The following RNMT variants were observed in gnomAD, a reference collection of about 807,000 sequenced individuals.
RNMT encodes the protein RNA guanine-7 methyltransferase.
A neutral mutation model predicts 56.0 loss-of-function variants in RNMT; 27 were observed. That is an observed-to-expected ratio of 0.48 (90% CI 0.36 to 0.67). The LOEUF (loss-of-function observed/expected upper bound fraction) is 0.67, where lower values mean the gene tolerates loss of function less well. Ranked by LOEUF, RNMT falls within the 30% of genes least tolerant of loss-of-function variation. RNMT has a pLI of 0.00. For missense variants in RNMT, 519 were observed against 552.1 expected (o/e 0.94, Z 0.60); for synonymous variants, 184 against 176.2 (o/e 1.04, Z -0.35).
At chr18:13,743,797 G>A (rs1474060068) in intron 8 of RNMT, among the ~76,000 whole-genome samples, 3 of 151,602 alleles carry the variant, frequency 2.0e-5, no homozygotes, top group Non-Finnish European at 4.4e-5. Context: ...CAGTCAGTCT[G>A]TAAAATTAGG....
Position 13,741,510 on chromosome 18 carries a change from G to T in RNMT, c.793G>T (p.Glu265Ter). The change falls in exon 7 of 12, where the codon GAA becomes TAA. Residue 265 changes from glutamate to a stop codon, truncating the protein, a stop_gained and splice_region_variant. Transcript: ENST00000383314. LOFTEE classifies it high-confidence loss of function. ...AEFITADSSKELLIDKFRDPQ... is the reference protein window; with the variant it reads ...AEFITADSSK Reference sequence around the variant, plus strand: ...CTTAACTCATTTTAATTTGTTTCAGGAACTTCTGATTGACAAATTTCGTGA... The same window carrying T: ...CTTAACTCATTTTAATTTGTTTCAGTAACTTCTGATTGACAAATTTCGTGA... The T allele has an allele frequency of 6.2e-7, 1 of 1,607,610 alleles. No individual in the cohort carries two copies. The highest frequency in any genetic ancestry group is 8.5e-7 in the Non-Finnish European group (1 of 1,176,770).
At chr18:13,728,976 G>T (rs900959145) in intron 1 of RNMT, among the ~76,000 whole-genome samples, 1 of 152,058 alleles carries the variant, frequency 6.6e-6, no homozygotes, top group Admixed American at 6.5e-5. Flanking sequence ...TTTTTAGCTT[G>T]ATGTAATCCC....
intron 8 of RNMT, among the ~76,000 whole-genome samples, chr18:13,745,083 C>T (rs562967031): frequency 6.6e-6 from 1 of 152,088 alleles, no homozygotes; most frequent in African/African-American, 2.4e-5. Context: ...AGTGGGAAAG[C>T]TAGGCTAGTC....
chr18:13,730,454 A>C (rs1337248640), intron 1 of RNMT, 173 bp from the exon 2 acceptor site: 1 of 152,236 alleles, frequency 6.6e-6, no homozygotes, highest in Non-Finnish European at 1.5e-5. Flanking sequence ...CTTAGTGTCC[A>C]TAGGCCAAAA....
At chr18:13,751,850 A>C (rs188166895) in intron 9 of RNMT, among the ~76,000 whole-genome samples, 58 of 152,214 alleles carry the variant, frequency 3.8e-4, no homozygotes, top group African/African-American at 1.4e-3. Context: ...CCATCATTCT[A>C]AGCAAACTAA....
At chr18:13,759,331 A>G (rs1019579760) in intron 11 of RNMT, among the ~76,000 whole-genome samples, 5 of 152,200 alleles carry the variant, frequency 3.3e-5, no homozygotes, top group South Asian at 4.1e-4. Flanking sequence ...TCCTAAATTC[A>G]TTTAGCTGTC....
rs1801762 is a variant in RNMT at position 13,731,794 on chromosome 18, A to G, written c.277A>G (p.Lys93Glu). 4 of 1,613,588 alleles carry G rather than the reference A, an allele frequency of 2.5e-6. No individual in the cohort carries two copies. Among genetic ancestry groups the G allele is most frequent in the Non-Finnish European group, 3.4e-6 (4 of 1,179,950 alleles). ...TGATCCTGAAATTGTCCCAGAGGAA[A>G]AAGATTGTGGTGATGCTGAAGGCAA... is the stretch of plus-strand genomic sequence containing the variant. ...KLDPEIVPEE[K>E]DCGDAEGNSK... Residue 93 changes from lysine (K) to glutamate (E), a missense_variant, in exon 3 of 12, where the codon AAA (lysine) becomes GAA (glutamate). Physicochemically the swap from Lys to Glu is moderately conservative, Grantham distance 56. Coordinates refer to ENST00000383314, the MANE Select transcript of RNMT (RefSeq NM_003799.3).
At position 13,762,356 on chromosome 18, in the gene RNMT, A is replaced by G; in HGVS notation, c.*2377A>G. On this transcript the variant is annotated 3_prime_UTR_variant, in exon 12 of 12. Transcript: ENST00000383314. ...GGAGAGGAGCTGGCAGTTTTTAACC[A>G]CTTCTGTGGGAGCCGTGTTCTAACC... The G allele has an allele frequency of 1.7e-6, 1 of 602,278 alleles. No homozygotes were observed. The highest frequency in any genetic ancestry group is 2.8e-6 in the Non-Finnish European group (1 of 351,732). The allele number at this position is 602,278 out of a possible 1,614,324, so 37.3% of individuals were successfully genotyped here. A position where few individuals can be genotyped will look rare whatever the true frequency, so the allele number is the denominator to read the frequency against.
rs1056963667 is a variant in RNMT at position 13,762,095 on chromosome 18, G to C, written c.*2116G>C. Reference sequence around the variant, plus strand: ...GCTTTCCACCGTCGGGCCAGGAAGAGCACCTGTTGCTGCAAGCTCAGTGAA... The same window carrying C: ...GCTTTCCACCGTCGGGCCAGGAAGACCACCTGTTGCTGCAAGCTCAGTGAA... On this transcript the variant is annotated 3_prime_UTR_variant, in exon 12 of 12. Coordinates refer to ENST00000383314, the MANE Select transcript of RNMT (RefSeq NM_003799.3). 60 of 1,535,982 alleles carry C rather than the reference G, an allele frequency of 3.9e-5. No homozygotes were observed. In the Middle Eastern group the frequency reaches 5.0e-4, roughly 13 times the overall value.
rs1159645400 is a variant in RNMT at position 13,760,774 on chromosome 18, A to G, written c.*795A>G. On this transcript the variant is annotated 3_prime_UTR_variant, in exon 12 of 12. Transcript: ENST00000383314. The stretch of plus-strand genomic sequence containing the variant: ...TCCCTCCCATGTAGACATGTTGCAC[A>G]TTTTTTCCAAATTTATACATGGAAC... The G allele has an allele frequency of 2.0e-6, 2 of 985,262 alleles. No homozygotes were observed. Among genetic ancestry groups the G allele is most frequent in the Admixed American group, 6.2e-5 (1 of 16,260 alleles). The allele number at this position is 985,262 out of a possible 1,614,324, so 61.0% of individuals were successfully genotyped here.
chr18:13,761,869 CT>C lies in RNMT; in HGVS notation c.*1891del. 3.3e-6 allele frequency: 4 copies of C among 1,211,004 alleles called. No individual in the cohort carries two copies. Among genetic ancestry groups the C allele is most frequent in the South Asian group, 4.8e-5 (2 of 41,348 alleles). The allele number at this position is 1,211,004 out of a possible 1,614,324, so 75.0% of individuals were successfully genotyped here. On this transcript the variant is annotated 3_prime_UTR_variant, in exon 12 of 12. Coordinates refer to ENST00000383314, the MANE Select transcript of RNMT (RefSeq NM_003799.3). ...CCCCCCTCCCCCCGGCCCCAAGCCC[CT>C]GTGTCTCCTTGTTACAATTAAGTTT...
intron 11 of RNMT, among the ~76,000 whole-genome samples, chr18:13,757,264 A>G (rs1382421637): frequency 2.0e-5 from 3 of 152,068 alleles, no homozygotes; most frequent in Non-Finnish European, 4.4e-5. Flanking sequence ...GTTGCCGAAG[A>G]TTGGTGTGGC....
chr18:13,742,861 C>T, intron 8 of RNMT: 1 of 352,354 alleles, frequency 2.8e-6, no homozygotes. Flanking sequence ...CTCATAATAG[C>T]CTAACTTAGT....
At chr18:13,728,330 TTGTGTGTGTGTGTGTG>T (rs1212860122) in intron 1 of RNMT, among the ~76,000 whole-genome samples, 4,093 of 20,966 alleles carry the variant, frequency 0.2, 364 homozygotes, top group Non-Finnish European at 0.21. Context: ...TTTTTTTTTT[TTGTGTGTGTGTGTGTG>T]TGTGTGTGTG....
chr18:13,754,133 A>G lies in RNMT; in HGVS notation c.1379A>G (p.Glu460Gly). The G allele has an allele frequency of 6.4e-7, 1 of 1,564,868 alleles. No individual in the cohort carries two copies. Among genetic ancestry groups the G allele is most frequent in the Non-Finnish European group, 8.8e-7 (1 of 1,136,826 alleles). The change falls in exon 11 of 12, where the codon GAA (glutamate) becomes GGA (glycine). Residue 460 changes from glutamate to glycine, a missense_variant. Glu to Gly is a moderately conservative substitution (Grantham distance 98). Coordinates refer to ENST00000383314, the MANE Select transcript of RNMT (RefSeq NM_003799.3). ...RLPLGTLSKS[E>G]WEATSIYLVF... ...TTTTAGGGAACCTTAAGTAAATCAGAATGGGAAGCTACAAGTGAGTATATC... is the reference window on the plus strand; with the variant it reads ...TTTTAGGGAACCTTAAGTAAATCAGGATGGGAAGCTACAAGTGAGTATATC...
intron 9 of RNMT, among the ~76,000 whole-genome samples, chr18:13,752,120 TATA>T (rs1243267821): frequency 6.6e-6 from 1 of 152,152 alleles, no homozygotes; most frequent in Non-Finnish European, 1.5e-5. Flanking sequence ...TATACCCTAG[TATA>T]ATATTTAAAA....
Position 13,761,225 on chromosome 18 carries a change from CCT to C in RNMT, c.*1247_*1248del. On this transcript the variant is annotated 3_prime_UTR_variant, in exon 12 of 12. Transcript: ENST00000383314. ...AAATATGGATTTCCTCATTTCAGTT[CCT>C]TCTGCAGCCTGTGAATCTCCACAAA... 5 of 985,412 alleles carry C rather than the reference CCT, an allele frequency of 5.1e-6. No individual in the cohort carries two copies. The highest frequency in any genetic ancestry group is 6.0e-6 in the Non-Finnish European group (5 of 829,918). 61.0% of individuals were successfully genotyped at this position (985,412 alleles called of 1,614,324 possible).
intron 10 of RNMT, 37 bp from the exon 11 acceptor site, chr18:13,754,077 G>A (rs1293073331): frequency 1.6e-6 from 2 of 1,225,394 alleles, no homozygotes; most frequent in African/African-American, 3.0e-5. Context: ...CTTCCATATT[G>A]AATCTAAAAT....
chr18:13,743,804 T>C (rs1465607616), intron 8 of RNMT, among the ~76,000 whole-genome samples: 1 of 151,780 alleles, frequency 6.6e-6, no homozygotes, highest in Non-Finnish European at 1.5e-5. Context: ...TCTGTAAAAT[T>C]AGGGTTACAG....
Sources: allele counts gnomAD v4.1 joint callset (sites outside exome capture counted in the v4.1 genomes callset), GRCh38; gene constraint gnomAD v4.1.1; transcripts MANE v1.5; gene names NCBI Gene and HGNC (gene_info 2026-07-23, HGNC 2026-07-21).